The following SMARCA2 variants were observed in gnomAD, a reference collection of about 807,000 sequenced individuals.
SMARCA2 encodes SWI/SNF related BAF chromatin remodeling complex subunit ATPase 2.
In SMARCA2, 61 loss-of-function variants were observed where a neutral mutation model predicts 199.8. That is an observed-to-expected ratio of 0.31 (90% CI 0.25 to 0.38). The LOEUF is 0.38. Among genes scored for constraint, SMARCA2 ranks in the 10% least tolerant of loss-of-function variants. SMARCA2 has a pLI of 1.00. For synonymous variants in SMARCA2, 935 were observed against 732.0 expected, an observed-to-expected ratio of 1.28 and a Z score of -4.48; for missense variants, 1,344 against 2,012.2, an observed-to-expected ratio of 0.67 and a Z score of 6.35.
At chr9:2,159,723 C>T (rs1825566432) in intron 27 of SMARCA2, 2 of 1,500,298 alleles carry the variant, frequency 1.3e-6, no homozygotes, top group African/African-American at 1.4e-5. Context: ...TGAGTATCCA[C>T]AATCCTTTCA....
chr9:2,048,597 A>T lies in SMARCA2; in HGVS notation c.1046+1113A>T, dbSNP rs1160756673. On this transcript the variant is annotated intron_variant, in intron 5 of 33. Coordinates refer to ENST00000349721, the MANE Select transcript of SMARCA2 (RefSeq NM_003070.5). ...CACATCACTCATTTCTTATCAGACT[A>T]AAATACTAAGTTACCAGCCTAGAGA... Among the ~76,000 whole-genome samples, 3 of 152,240 alleles carry T rather than the reference A, an allele frequency of 2.0e-5. No individual in the cohort carries two copies. The East Asian group carries it at 5.8e-4, about 29-fold the overall frequency.
In SMARCA2 at chr9:2,140,773, G is replaced by A. The variant is rs1029201174; in HGVS notation, c.3981+16836G>A. Among the ~76,000 whole-genome samples the A allele has an allele frequency of 9.9e-5, 15 of 152,120 alleles. 1 individual carries two copies. The highest frequency in any genetic ancestry group is 3.6e-4 in the African/African-American group (15 of 41,396). On this transcript the variant is annotated intron_variant, in intron 27 of 33. Transcript: ENST00000349721. ...AGAATTATTTTTAACCTGTTGTGAG[G>A]CTCAGCTCTTTTGTAGTAGCTTCAG...
chr9:2,023,852 G>A (rs1226668211), intron 1 of SMARCA2, among the ~76,000 whole-genome samples: 1 of 152,132 alleles, frequency 6.6e-6, no homozygotes, highest in Admixed American at 6.6e-5. Flanking sequence ...AGCCCTTCAG[G>A]TCAGGGGAGA....
intron 27 of SMARCA2, chr9:2,157,665 A>G (rs1193782629): frequency 2.6e-6 from 1 of 379,970 alleles, no homozygotes; most frequent in Non-Finnish European, 4.7e-6. Flanking sequence ...GGACTGTGCC[A>G]CATGGCTTGG....
intron 24 of SMARCA2, among the ~76,000 whole-genome samples, chr9:2,113,742 C>G (rs1409177175): frequency 6.6e-6 from 1 of 152,178 alleles, no homozygotes; most frequent in Admixed American, 6.5e-5. Flanking sequence ...CCTATGTTGT[C>G]CATGTGCCCT....
In SMARCA2 at chr9:2,191,327, G is replaced by A. The variant is rs1256568843; in HGVS notation, c.4656G>A (p.Gly1552=). The part of the protein sequence containing the change: ...NKKDDKGRDK[G]KGKKRPNRGK... ...AAGATGACAAAGGCCGGGACAAAGG[G>A]AAAGGCAAGAAAAGGCCAAATCGAG... The change falls in exon 33 of 34, where the codon GGG becomes GGA. Residue 1552 remains glycine, a synonymous_variant. Coordinates refer to ENST00000349721, the MANE Select transcript of SMARCA2 (RefSeq NM_003070.5). 1.2e-6 allele frequency: 2 copies of A among 1,614,190 alleles called. No individual in the cohort carries two copies. The highest frequency in any genetic ancestry group is 2.2e-5 in the East Asian group (1 of 44,884).
At chr9:2,103,921 T>C in intron 22 of SMARCA2, 82 bp from the exon 23 acceptor site, 4 of 1,174,626 alleles carry the variant, frequency 3.4e-6, no homozygotes, top group East Asian at 2.3e-5. Context: ...CAAAGGACTA[T>C]ATGAAAAGCA....
chr9:2,073,035 G>A, intron 10 of SMARCA2, 177 bp from the exon 11 acceptor site: 1 of 653,390 alleles, frequency 1.5e-6, no homozygotes, highest in Non-Finnish European at 2.5e-6. Flanking sequence ...AGCATTTTCA[G>A]TTTCTTTAGT....
intron 27 of SMARCA2, among the ~76,000 whole-genome samples, chr9:2,153,160 T>G (rs1488159886): frequency 6.6e-6 from 1 of 151,728 alleles, no homozygotes; most frequent in African/African-American, 2.4e-5. Flanking sequence ...AATTTAGGAG[T>G]ATGGCAGTTT....
At position 2,045,490 on chromosome 9, in the gene SMARCA2, A is replaced by C. The variant is rs969590863; in HGVS notation, c.791-1739A>C. On this transcript the variant is annotated intron_variant, in intron 4 of 33. Coordinates refer to ENST00000349721, the MANE Select transcript of SMARCA2 (RefSeq NM_003070.5). ...TTCCCCTGATAACTTACTCCAATGC[A>C]TAGTAACCCTGAGACTTAATATTTA... The C allele has an allele frequency of 6.6e-5, 10 of 152,308 alleles. 1 individual carries two copies. The allele number at this position is 152,308 out of a possible 1,614,324, so 9.4% of individuals were successfully genotyped here. A position where few individuals can be genotyped will look rare whatever the true frequency, so the allele number is the denominator to read the frequency against.
rs139068115 is a variant in SMARCA2 at position 2,146,369 on chromosome 9, A to G, written c.3982-15317A>G. On this transcript the variant is annotated intron_variant, in intron 27 of 33. Coordinates refer to ENST00000349721, the MANE Select transcript of SMARCA2 (RefSeq NM_003070.5). Reference sequence around the variant, plus strand: ...CACAATCATTTAGTCCACAGCAATAAGAAATATGCGAAATCAGGATGGGTA... The same window carrying G: ...CACAATCATTTAGTCCACAGCAATAGGAAATATGCGAAATCAGGATGGGTA... 8.3e-3 allele frequency among the ~76,000 whole-genome samples: 1,262 copies of G among 152,290 alleles called. 11 individuals are homozygous for G. The highest frequency in any genetic ancestry group is 0.029 in the African/African-American group (1,207 of 41,548).
In SMARCA2 at chr9:2,190,212, T is replaced by A. The variant is rs185334635; in HGVS notation, c.4595-1054T>A. Among the ~76,000 whole-genome samples, 3 of 152,310 alleles carry A rather than the reference T, an allele frequency of 2.0e-5. No homozygotes were observed. The East Asian group carries it at 5.8e-4, about 29-fold the overall frequency. ...ATAGTCCTGTGAAGGTGGAAATGGGTGCAGTCTTTCTGAAGGCTAATCTGA... is the reference window on the plus strand; with the variant it reads ...ATAGTCCTGTGAAGGTGGAAATGGGAGCAGTCTTTCTGAAGGCTAATCTGA... On this transcript the variant is annotated intron_variant, in intron 32 of 33. Transcript: ENST00000349721.
intron 3 of SMARCA2, among the ~76,000 whole-genome samples, chr9:2,035,789 T>C (rs1819303341): frequency 6.6e-6 from 1 of 152,242 alleles, no homozygotes; most frequent in Non-Finnish European, 1.5e-5. Context: ...TAATATTCTC[T>C]AAAATAGTGA....
Position 2,056,971 on chromosome 9 carries a change from G to A in SMARCA2, c.1347+126G>A, listed in dbSNP as rs183808912. ...GGTGGGGACATCACAGAACAGAACG[G>A]TTCCTTGACATGTACATAATCCAAC... On this transcript the variant is annotated intron_variant, in intron 7 of 33. Coordinates refer to ENST00000349721, the MANE Select transcript of SMARCA2 (RefSeq NM_003070.5). The surrounding 1 kb of genome is among the most constrained non-coding windows in gnomAD (Gnocchi z 4.0). 1.3e-6 allele frequency: 1 copy of A among 778,306 alleles called. No homozygotes were observed. Among genetic ancestry groups the A allele is most frequent in the East Asian group, 2.7e-5 (1 of 37,000 alleles). The allele number at this position is 778,306 out of a possible 1,614,324, so 48.2% of individuals were successfully genotyped here.
In SMARCA2 at chr9:2,082,012, A is replaced by C. The variant is rs765011592; in HGVS notation, c.2348+17A>C. On this transcript the variant is annotated intron_variant, in intron 15 of 33. Transcript: ENST00000349721. ...TCCCCTTTCGTAAGTAAAGTCATTT[A>C]TTCCACAGTCATCGTTCTGTATGTT... The C allele has an allele frequency of 6.2e-7, 1 of 1,608,224 alleles. No homozygotes were observed. The highest frequency in any genetic ancestry group is 1.1e-5 in the South Asian group (1 of 90,558).
At chr9:2,129,890 G>T (rs1030524118) in intron 27 of SMARCA2, among the ~76,000 whole-genome samples, 10 of 152,148 alleles carry the variant, frequency 6.6e-5, no homozygotes, top group African/African-American at 2.4e-4. Context: ...ATCTCACTCT[G>T]TTATCTAGGC....
chr9:2,108,440 C>T (rs1186073591), intron 23 of SMARCA2, among the ~76,000 whole-genome samples: 2 of 152,198 alleles, frequency 1.3e-5, no homozygotes, highest in African/African-American at 2.4e-5. Flanking sequence ...ATTAACTGTT[C>T]GGTTTCATTA....
At chr9:2,117,154 A>C (rs1310358531) in intron 25 of SMARCA2, among the ~76,000 whole-genome samples, 1 of 152,148 alleles carries the variant, frequency 6.6e-6, no homozygotes, top group African/African-American at 2.4e-5. Context: ...GAAAAATCCT[A>C]AGTCCAGCCG....
rs1291257473 is a variant in SMARCA2 at position 2,028,999 on chromosome 9, G to A, written c.-24G>A. On this transcript the variant is annotated 5_prime_UTR_variant, in exon 2 of 34. Coordinates refer to ENST00000349721, the MANE Select transcript of SMARCA2 (RefSeq NM_003070.5). The stretch of plus-strand genomic sequence containing the variant: ...CTTTTCAACTTAGCATTACTCTACT[G>A]ACTGGCAGAGACAGGAGAGGTAGAT... 2 of 1,546,792 alleles carry A rather than the reference G, an allele frequency of 1.3e-6. No homozygotes were observed. The highest frequency in any genetic ancestry group is 4.0e-5 in the Admixed American group (2 of 49,778).
Sources: gnomAD v4.1 joint callset for allele counts (sites outside exome capture counted in the v4.1 genomes callset) on GRCh38, gnomAD v4.1.1 for gene constraint, Gnocchi (gnomAD v3.1) non-coding constraint, MANE v1.5 for transcripts, NCBI Gene and HGNC (gene_info 2026-07-23, HGNC 2026-07-21) for gene names.